CABLES1: variants seen among roughly 807,000 people sequenced by gnomAD.
The protein encoded by CABLES1 is CDK5 and ABL1 enzyme substrate 1.
A neutral mutation model predicts 57.8 loss-of-function variants in CABLES1; 36 were observed. That is an observed-to-expected ratio of 0.62 (90% CI 0.48 to 0.82). The LOEUF (loss-of-function observed/expected upper bound fraction) is 0.82. Among genes scored for constraint, CABLES1 ranks in the 40% least tolerant of loss-of-function variants. CABLES1 has a pLI of 0.00. For synonymous variants in CABLES1, 374 were observed against 363.0 expected (o/e 1.03, Z -0.35); for missense variants, 767 against 836.6 (o/e 0.92, Z 1.03).
intron 1 of CABLES1, among the ~76,000 whole-genome samples, chr18:23,147,281 T>G (rs1157039314): frequency 6.6e-6 from 1 of 152,284 alleles, no homozygotes; most frequent in Non-Finnish European, 1.5e-5. Context: ...AGACCAGCTT[T>G]GGAGCTCCAT....
chr18:23,219,570 C>T lies in CABLES1; in HGVS notation c.1088+5516C>T, dbSNP rs2047470822. Among the ~76,000 whole-genome samples, 2 of 152,190 alleles carry T rather than the reference C, an allele frequency of 1.3e-5. 1 individual carries two copies. The highest frequency in any genetic ancestry group is 4.1e-4 in the South Asian group (2 of 4,828). On this transcript the variant is annotated intron_variant, in intron 4 of 9. Transcript: ENST00000256925. The stretch of plus-strand genomic sequence containing the variant: ...GTGATGCCTTATTCAAGCTGGAGTC[C>T]CATTTCCCAGCCACACTCAGCATCC...
chr18:23,237,367 C>T (rs544070219), intron 7 of CABLES1, 122 bp downstream of exon 7: 21 of 729,320 alleles, frequency 2.9e-5, no homozygotes, highest in South Asian at 4.5e-5. Context: ...AGGAGCTCCC[C>T]GGTGTGGGTG....
chr18:23,241,704 G>A (rs973075711), intron 7 of CABLES1, among the ~76,000 whole-genome samples: 1 of 152,106 alleles, frequency 6.6e-6, no homozygotes, highest in African/African-American at 2.4e-5. Flanking sequence ...GGACTTCTGA[G>A]TCCTGGTGTA....
At chr18:23,138,772 T>C (rs1044861309) in intron 1 of CABLES1, among the ~76,000 whole-genome samples, 1 of 152,226 alleles carries the variant, frequency 6.6e-6, no homozygotes, top group Admixed American at 6.5e-5. Context: ...TGTGTTTCCA[T>C]GTACATGTTA....
chr18:23,154,114 T>C (rs2046950483), intron 1 of CABLES1, among the ~76,000 whole-genome samples: 1 of 152,058 alleles, frequency 6.6e-6, no homozygotes, highest in Non-Finnish European at 1.5e-5. Flanking sequence ...AAAAAAAAAA[T>C]CTAGAGCAAG....
intron 1 of CABLES1, among the ~76,000 whole-genome samples, chr18:23,182,269 G>T (rs894316586): frequency 1.3e-5 from 2 of 152,190 alleles, no homozygotes; most frequent in Non-Finnish European, 2.9e-5. Context: ...AGTGCTCCAG[G>T]CTAACTAGCT....
At chr18:23,220,868 A>T (rs906508747) in intron 4 of CABLES1, among the ~76,000 whole-genome samples, 2 of 152,078 alleles carry the variant, frequency 1.3e-5, no homozygotes, top group Admixed American at 1.3e-4. Context: ...CCCCATCTGG[A>T]TATTTGTCGT....
intron 3 of CABLES1, among the ~76,000 whole-genome samples, chr18:23,201,185 G>T (rs2047322935): frequency 6.6e-6 from 1 of 152,206 alleles, no homozygotes; most frequent in African/African-American, 2.4e-5. Context: ...TTATAGCGCA[G>T]GATACAGATT....
At chr18:23,229,922 A>C (rs2047554942) in intron 4 of CABLES1, among the ~76,000 whole-genome samples, 1 of 152,234 alleles carries the variant, frequency 6.6e-6, no homozygotes. Context: ...GTACGACCAA[A>C]GAACAGCAAT....
chr18:23,191,154 G>A (rs1338641938), intron 2 of CABLES1, among the ~76,000 whole-genome samples: 1 of 151,906 alleles, frequency 6.6e-6, no homozygotes, highest in Non-Finnish European at 1.5e-5. Context: ...AGGAGGCTGA[G>A]GCGACAGGAT....
intron 1 of CABLES1, among the ~76,000 whole-genome samples, chr18:23,151,814 G>C (rs2046932726): frequency 6.6e-6 from 1 of 152,174 alleles, no homozygotes; most frequent in Non-Finnish European, 1.5e-5. Context: ...GCAGACCAGG[G>C]CCAGAAGGGC....
At chr18:23,252,165 G>A (rs755799856) in intron 7 of CABLES1, among the ~76,000 whole-genome samples, 6 of 152,148 alleles carry the variant, frequency 3.9e-5, no homozygotes, top group Non-Finnish European at 7.4e-5. Flanking sequence ...CTTACATAAG[G>A]CAAATTTATA....
At position 23,257,217 on chromosome 18, in the gene CABLES1, T is replaced by C. The variant is rs1324500489; in HGVS notation, c.1762-10T>C. 1.2e-6 allele frequency: 2 copies of C among 1,603,464 alleles called. No homozygotes were observed. Among genetic ancestry groups the C allele is most frequent in the East Asian group, 2.2e-5 (1 of 44,722 alleles). The stretch of plus-strand genomic sequence containing the variant: ...AAATGAACATGCTTTTGATTTTCTT[T>C]TTGTTGCAGAAACTGGAAGAGAAGT... On this transcript the variant is annotated splice_polypyrimidine_tract_variant and intron_variant, in intron 9 of 9. Coordinates refer to ENST00000256925, the MANE Select transcript of CABLES1 (RefSeq NM_001100619.3).
At chr18:23,236,110 C>A in intron 6 of CABLES1, 59 bp downstream of exon 6, 1 of 1,570,356 alleles carries the variant, frequency 6.4e-7, no homozygotes, top group Non-Finnish European at 8.7e-7. Flanking sequence ...CCTCCATTTA[C>A]ATGGGGATTG....
intron 7 of CABLES1, among the ~76,000 whole-genome samples, chr18:23,237,470 C>A (rs2047631535): frequency 2.0e-5 from 3 of 152,238 alleles, no homozygotes; most frequent in Admixed American, 2.0e-4. Context: ...CCAGTGTCCA[C>A]AAAGTCACCA....
rs561265074 is a variant in CABLES1 at position 23,136,136 on chromosome 18, C to G, written c.374C>G (p.Pro125Arg). The G allele has an allele frequency of 5.8e-6, 7 of 1,201,832 alleles. No individual in the cohort carries two copies. The African/African-American group carries it at 9.5e-5, about 16-fold the overall frequency. 74.4% of individuals were successfully genotyped at this position (1,201,832 alleles called of 1,614,324 possible). A position where few individuals can be genotyped will look rare whatever the true frequency, so the allele number is the denominator to read the frequency against. Residue 125 changes from proline to arginine, a missense_variant, in exon 1 of 10, where the codon CCG (proline) becomes CGG (arginine). This residue lies in a region of CABLES1 where 529 missense variants were observed against 622.8 expected (regional missense o/e 0.85). Transcript: ENST00000256925. ...GGCGGCTGCATCGCGCTCGCCGCGC[C>G]GGGCACGCCGGCTGCGGGGTTAGCC... ...ERGGCIALAA[P>R]GTPAAGLAAG...
chr18:23,175,602 C>T (rs1032999186), intron 1 of CABLES1, among the ~76,000 whole-genome samples: 1 of 152,188 alleles, frequency 6.6e-6, no homozygotes, highest in African/African-American at 2.4e-5. Context: ...CATGCGCCAC[C>T]ACACCAAGCT....
chr18:23,187,812 C>T (rs551798065), intron 1 of CABLES1, among the ~76,000 whole-genome samples: 2 of 152,012 alleles, frequency 1.3e-5, no homozygotes, highest in African/African-American at 4.8e-5. Flanking sequence ...CCAAACAAGC[C>T]AAAGGTATCA....
intron 7 of CABLES1, among the ~76,000 whole-genome samples, chr18:23,251,754 A>G (rs1429940582): frequency 6.6e-6 from 1 of 152,192 alleles, no homozygotes; most frequent in African/African-American, 2.4e-5. Flanking sequence ...ACCTTAAAGG[A>G]AATTCTGACA....
Sources: allele counts gnomAD v4.1 joint callset (sites outside exome capture counted in the v4.1 genomes callset), GRCh38; gene constraint gnomAD v4.1.1; regional missense constraint gnomAD v4.1.1; transcripts MANE v1.5; gene names NCBI Gene and HGNC (gene_info 2026-07-23, HGNC 2026-07-21).